Variants in USH2A observed in about 807,000 individuals in gnomAD.
USH2A encodes Usher syndrome 2A (autosomal recessive, mild).
USH2A carries 443 observed loss-of-function variants against 538.9 expected under a neutral mutation model. The observed-to-expected ratio is 0.82, with a 90% CI of 0.76 to 0.89. The LOEUF (loss-of-function observed/expected upper bound fraction) is 0.89, where lower values mean the gene tolerates loss of function less well. Ranked by LOEUF, USH2A falls within the 40% of genes least tolerant of loss-of-function variation. The pLI is 0.00. For synonymous variants in USH2A, 2,413 were observed against 2,273.5 expected, an observed-to-expected ratio of 1.06 and a Z score of -1.75; for missense variants, 6,633 against 6,324.8, an observed-to-expected ratio of 1.05 and a Z score of -1.65.
chr1:215,684,950 T>C (rs564270461), intron 61 of USH2A, among the ~76,000 whole-genome samples: 100 of 152,154 alleles, frequency 6.6e-4, no homozygotes, highest in Non-Finnish European at 1.2e-3. Flanking sequence ...TTAACCTCTG[T>C]ATTCTTAAGT....
At chr1:216,112,156 C>T (rs1346085879) in intron 21 of USH2A, among the ~76,000 whole-genome samples, 1 of 151,986 alleles carries the variant, frequency 6.6e-6, no homozygotes, top group East Asian at 1.9e-4. Flanking sequence ...TGAAAGCTAA[C>T]CTGAAAATAT....
At chr1:216,080,419 A>T (rs531233055) in intron 26 of USH2A, among the ~76,000 whole-genome samples, 3 of 152,150 alleles carry the variant, frequency 2.0e-5, no homozygotes, top group Non-Finnish European at 4.4e-5. Flanking sequence ...AAGAAATAAA[A>T]ATCATTGGGC....
intron 32 of USH2A, among the ~76,000 whole-genome samples, chr1:216,002,199 C>T (rs762558166): frequency 1.3e-5 from 2 of 152,048 alleles, no homozygotes; most frequent in African/African-American, 2.4e-5. Flanking sequence ...CAGATGCTAC[C>T]GAGAGAGTAG....
At chr1:216,344,445 C>G (rs2038135928) in intron 4 of USH2A, among the ~76,000 whole-genome samples, 1 of 152,156 alleles carries the variant, frequency 6.6e-6, no homozygotes, top group South Asian at 2.1e-4. Context: ...CAGCTTAAAG[C>G]AACATTTAAT....
At chr1:216,415,839 A>T (rs1171844896) in intron 3 of USH2A, among the ~76,000 whole-genome samples, 2 of 151,980 alleles carry the variant, frequency 1.3e-5, no homozygotes, top group African/African-American at 2.4e-5. Context: ...ATTATTTCTT[A>T]TAACAACTTT....
At position 215,985,526 on chromosome 1, in the gene USH2A, C is replaced by T. The variant is rs1308209448; in HGVS notation, c.6805+7494G>A. On this transcript the variant is annotated intron_variant, in intron 35 of 71. Transcript: ENST00000307340. The stretch of plus-strand genomic sequence containing the variant: ...GTTTAATACTTATAAATCTAAGTTT[C>T]CACATTTGTGAGATAACAATACCTA... Among the ~76,000 whole-genome samples the T allele has an allele frequency of 2.0e-5, 3 of 152,232 alleles. No individual in the cohort carries two copies. The East Asian group carries it at 5.8e-4, about 29-fold the overall frequency.
At chr1:215,756,935 CAAACAAAT>C (rs1292854239) in intron 58 of USH2A, among the ~76,000 whole-genome samples, 103 of 96,292 alleles carry the variant, frequency 1.1e-3, no homozygotes, top group African/African-American at 2.4e-3. Flanking sequence ...AACAAACAAA[CAAACAAAT>C]AAATAAATAA....
intron 38 of USH2A, among the ~76,000 whole-genome samples, chr1:215,919,298 G>A (rs990289844): frequency 1.8e-4 from 27 of 152,162 alleles, no homozygotes; most frequent in East Asian, 3.9e-4. Flanking sequence ...ACTGTGCAAC[G>A]TAACAACTAC....
intron 40 of USH2A, 40 bp from the exon 41 acceptor site, chr1:215,889,094 A>C: frequency 6.2e-7 from 1 of 1,607,748 alleles, no homozygotes; most frequent in Non-Finnish European, 8.5e-7. Flanking sequence ...GACCTCTTGG[A>C]AATGTCCCAC....
At chr1:216,178,238 ACT>A (rs1431287175) in intron 20 of USH2A, among the ~76,000 whole-genome samples, 1 of 152,202 alleles carries the variant, frequency 6.6e-6, no homozygotes, top group Non-Finnish European at 1.5e-5. Context: ...ATTTTCTGCC[ACT>A]GCAGCCCATG....
chr1:215,943,054 G>T (rs1315348414), intron 37 of USH2A, among the ~76,000 whole-genome samples: 1 of 152,154 alleles, frequency 6.6e-6, no homozygotes, highest in Non-Finnish European at 1.5e-5. Flanking sequence ...TCAAAATTTA[G>T]GTCGAAAGAA....
At position 215,945,882 on chromosome 1, in the gene USH2A, TG is replaced by T. The variant is rs560441009; in HGVS notation, c.7121-11088del. ...AGCTCACCCAAGGGAATAATAAAAATGTGGAATAAAACTGATTTATGAGAAC... is the reference window on the plus strand; with the variant it reads ...AGCTCACCCAAGGGAATAATAAAAATTGGAATAAAACTGATTTATGAGAAC... On this transcript the variant is annotated intron_variant, in intron 37 of 71. Transcript: ENST00000307340. 8.9e-3 allele frequency among the ~76,000 whole-genome samples: 1,349 copies of T among 152,246 alleles called. 13 individuals are homozygous for T. Among genetic ancestry groups the T allele is most frequent in the South Asian group, 0.023 (112 of 4,830 alleles).
chr1:216,141,785 C>T (rs1056195207), intron 21 of USH2A, among the ~76,000 whole-genome samples: 13 of 152,140 alleles, frequency 8.5e-5, no homozygotes, highest in African/African-American at 2.9e-4. Flanking sequence ...TGGCATTTAT[C>T]ACCTCTTGCT....
intron 40 of USH2A, among the ~76,000 whole-genome samples, chr1:215,895,734 G>A (rs1665320655): frequency 6.6e-6 from 1 of 152,204 alleles, no homozygotes; most frequent in Non-Finnish European, 1.5e-5. Context: ...AATATAGCAT[G>A]GCAATGGTAC....
chr1:216,409,298 C>T (rs1193541906), intron 3 of USH2A, among the ~76,000 whole-genome samples: 1 of 152,048 alleles, frequency 6.6e-6, no homozygotes, highest in South Asian at 2.1e-4. Flanking sequence ...GTTAAAATGG[C>T]CATATTGCCC....
At chr1:216,373,051 G>C (rs919872825) in intron 3 of USH2A, among the ~76,000 whole-genome samples, 2 of 152,086 alleles carry the variant, frequency 1.3e-5, no homozygotes, top group Non-Finnish European at 2.9e-5. Flanking sequence ...TGTTTATAAA[G>C]AAAACTGCTC....
chr1:216,312,953 A>C (rs2037447824), intron 9 of USH2A, among the ~76,000 whole-genome samples: 1 of 152,156 alleles, frequency 6.6e-6, no homozygotes, highest in South Asian at 2.1e-4. Context: ...GTGTGGTGGT[A>C]AGATGAGAGG....
At chr1:215,959,834 G>A (rs1396523572) in intron 37 of USH2A, among the ~76,000 whole-genome samples, 2 of 152,254 alleles carry the variant, frequency 1.3e-5, no homozygotes, top group South Asian at 2.1e-4. Flanking sequence ...ATTAGCACAC[G>A]CTGGTGCCTT....
intron 3 of USH2A, among the ~76,000 whole-genome samples, chr1:216,400,553 CAA>C (rs1051362800): frequency 1.3e-5 from 2 of 152,008 alleles, no homozygotes; most frequent in African/African-American, 4.8e-5. Flanking sequence ...GAAAATATGG[CAA>C]AAGACATTAA....
Sources: allele counts gnomAD v4.1 joint callset (sites outside exome capture counted in the v4.1 genomes callset), GRCh38; gene constraint gnomAD v4.1.1; transcripts MANE v1.5; gene names NCBI Gene and HGNC (gene_info 2026-07-23, HGNC 2026-07-21).